ZSWIM5: variants seen among roughly 807,000 people sequenced by gnomAD.
The protein encoded by ZSWIM5 is zinc finger SWIM-type containing 5.
ZSWIM5 carries 55 observed loss-of-function variants against 119.6 expected under a neutral mutation model. That is an observed-to-expected ratio of 0.46 (90% CI 0.37 to 0.58). The LOEUF (loss-of-function observed/expected upper bound fraction) is 0.58, where lower values mean the gene tolerates loss of function less well. Among genes scored for constraint, ZSWIM5 ranks in the 20% least tolerant of loss-of-function variants. ZSWIM5 has a pLI of 0.00. For missense variants in ZSWIM5, 1,193 were observed against 1,512.8 expected (o/e 0.79, Z 3.51); for synonymous variants, 537 against 606.9 (o/e 0.88, Z 1.69).
At chr1:45,080,743 T>C (rs1178229927) in intron 2 of ZSWIM5, among the ~76,000 whole-genome samples, 1 of 152,160 alleles carries the variant, frequency 6.6e-6, no homozygotes, top group African/African-American at 2.4e-5. Context: ...CAATCTTTCT[T>C]TCTGGATAAG....
Position 45,098,175 on chromosome 1 carries a change from A to G in ZSWIM5, c.596-9938T>C, listed in dbSNP as rs76156126. Among the ~76,000 whole-genome samples the G allele has an allele frequency of 3.3e-3, 508 of 152,300 alleles. 16 individuals are homozygous for G. The East Asian group carries it at 0.095, about 28-fold the overall frequency. ...ATCATGGAATGTTCAAAGAAGAGAA[A>G]GAAGACCAGTGACTGGAAAGCCAAC... On this transcript the variant is annotated intron_variant, in intron 1 of 13. Coordinates refer to ENST00000359600, the MANE Select transcript of ZSWIM5 (RefSeq NM_020883.2).
chr1:45,133,637 G>A (rs2149031689), intron 1 of ZSWIM5, among the ~76,000 whole-genome samples: 1 of 152,174 alleles, frequency 6.6e-6, no homozygotes, highest in South Asian at 2.1e-4. Flanking sequence ...TGTCAATTTT[G>A]GGTTTTGTTG....
At chr1:45,105,374 G>A (rs960873413) in intron 1 of ZSWIM5, among the ~76,000 whole-genome samples, 7 of 152,114 alleles carry the variant, frequency 4.6e-5, no homozygotes, top group South Asian at 4.1e-4. Context: ...CTGCCACCCC[G>A]TCTAGGAAGT....
intron 11 of ZSWIM5, among the ~76,000 whole-genome samples, chr1:45,026,346 G>T (rs181791676): frequency 6.6e-6 from 1 of 151,748 alleles, no homozygotes; most frequent in Non-Finnish European, 1.5e-5. Flanking sequence ...GTAATTGTAG[G>T]TTTTTTTGTA....
Position 45,072,202 on chromosome 1 carries a change from T to C in ZSWIM5, c.953-11955A>G, listed in dbSNP as rs1645226170. ...TGATATTGAGTACCTTTTCATATAC[T>C]CATTTGCCACTTGTATGTCGTCTTT... is the stretch of plus-strand genomic sequence containing the variant. On this transcript the variant is annotated intron_variant, in intron 2 of 13. Coordinates refer to ENST00000359600, the MANE Select transcript of ZSWIM5 (RefSeq NM_020883.2). This position sits in a 1 kb window ranked among gnomAD's most constrained non-coding sequence, Gnocchi z 4.1. 1.3e-5 allele frequency among the ~76,000 whole-genome samples: 2 copies of C among 152,022 alleles called. No homozygotes were observed. The highest frequency in any genetic ancestry group is 1.3e-4 in the Admixed American group (2 of 15,286).
chr1:45,094,993 T>C (rs1645391541), intron 1 of ZSWIM5, among the ~76,000 whole-genome samples: 1 of 152,110 alleles, frequency 6.6e-6, no homozygotes, highest in Non-Finnish European at 1.5e-5. Flanking sequence ...TCCTACCTCC[T>C]CCATAGATTA....
intron 1 of ZSWIM5, among the ~76,000 whole-genome samples, chr1:45,116,253 T>C (rs888696835): frequency 6.6e-6 from 1 of 152,148 alleles, no homozygotes; most frequent in Admixed American, 6.6e-5. Flanking sequence ...ACTTATAAAA[T>C]TGGAAATAAG....
In ZSWIM5 at chr1:45,072,221, C is replaced by T. The variant is rs1362852158; in HGVS notation, c.953-11974G>A. ...ATATACTCATTTGCCACTTGTATGT[C>T]GTCTTTTGAGAAATGTCTGTTCAGA... On this transcript the variant is annotated intron_variant, in intron 2 of 13. Coordinates refer to ENST00000359600, the MANE Select transcript of ZSWIM5 (RefSeq NM_020883.2). This position sits in a 1 kb window ranked among gnomAD's most constrained non-coding sequence, Gnocchi z 4.1. Among the ~76,000 whole-genome samples, 1 of 151,852 alleles carries T rather than the reference C, an allele frequency of 6.6e-6. No individual in the cohort carries two copies. The highest frequency in any genetic ancestry group is 2.4e-5 in the African/African-American group (1 of 41,184).
chr1:45,134,953 T>C (rs1449997854), intron 1 of ZSWIM5, among the ~76,000 whole-genome samples: 1 of 152,244 alleles, frequency 6.6e-6, no homozygotes, highest in African/African-American at 2.4e-5. Flanking sequence ...ATTGTATGTA[T>C]ATAACACCTT....
intron 1 of ZSWIM5, among the ~76,000 whole-genome samples, chr1:45,169,379 G>A (rs1177879405): frequency 6.6e-6 from 1 of 151,958 alleles, no homozygotes; most frequent in Non-Finnish European, 1.5e-5. Flanking sequence ...ACAGCTCTAA[G>A]AGGTAGGAAT....
chr1:45,134,483 T>C (rs905210400), intron 1 of ZSWIM5, among the ~76,000 whole-genome samples: 1 of 152,148 alleles, frequency 6.6e-6, no homozygotes, highest in Non-Finnish European at 1.5e-5. Context: ...AAGAGAAAAG[T>C]TAATGAATAA....
intron 1 of ZSWIM5, among the ~76,000 whole-genome samples, chr1:45,194,054 T>C (rs759740241): frequency 6.6e-6 from 1 of 152,072 alleles, no homozygotes; most frequent in Non-Finnish European, 1.5e-5. Context: ...TTTTTCACAA[T>C]AGGGAGCCAT....
At position 45,039,074 on chromosome 1, in the gene ZSWIM5, C is replaced by A; in HGVS notation, c.1757-1G>T. On this transcript the variant is annotated splice_acceptor_variant, in intron 7 of 13. Coordinates refer to ENST00000359600, the MANE Select transcript of ZSWIM5 (RefSeq NM_020883.2). LOFTEE classifies it high-confidence loss of function. ...GTTGTGGTTCCTCTCTGCAACAGTT[C>A]TGGAAACAAGCAGGTTAAAATTTTA... The A allele has an allele frequency of 6.2e-7, 1 of 1,614,044 alleles. No individual in the cohort carries two copies. The highest frequency in any genetic ancestry group is 2.2e-5 in the East Asian group (1 of 44,876).
At chr1:45,179,849 T>C (rs1180748393) in intron 1 of ZSWIM5, among the ~76,000 whole-genome samples, 5 of 152,144 alleles carry the variant, frequency 3.3e-5, no homozygotes, top group Admixed American at 2.0e-4. Flanking sequence ...GTGGGTTCAA[T>C]GTAATCACAT....
chr1:45,025,870 A>C (rs2148988031), intron 11 of ZSWIM5, among the ~76,000 whole-genome samples: 1 of 152,310 alleles, frequency 6.6e-6, no homozygotes. Flanking sequence ...CCCTGTCATT[A>C]GTCAGGGAGC....
chr1:45,048,317 G>A (rs1645069758), intron 5 of ZSWIM5, among the ~76,000 whole-genome samples: 1 of 151,984 alleles, frequency 6.6e-6, no homozygotes, highest in African/African-American at 2.4e-5. Context: ...TGGGATTATA[G>A]GCAGGAACCA....
At chr1:45,087,665 CTT>C (rs1245885688) in intron 2 of ZSWIM5, among the ~76,000 whole-genome samples, 1 of 152,166 alleles carries the variant, frequency 6.6e-6, no homozygotes, top group Non-Finnish European at 1.5e-5. Context: ...TCACCAAAAT[CTT>C]TTTGAGATAC....
rs909475816 is a variant in ZSWIM5, at chr1:45,072,989, T to C, written c.953-12742A>G. On this transcript the variant is annotated intron_variant, in intron 2 of 13. Coordinates refer to ENST00000359600, the MANE Select transcript of ZSWIM5 (RefSeq NM_020883.2). The surrounding 1 kb of genome is among the most constrained non-coding windows in gnomAD (Gnocchi z 4.1). ...ATGTCATTGGTATTTTGATAGGGAT[T>C]ACATTGAATCTGTAGATTGAGTAGT... Among the ~76,000 whole-genome samples, 1 of 152,008 alleles carries C rather than the reference T, an allele frequency of 6.6e-6. No homozygotes were observed. Among genetic ancestry groups the C allele is most frequent in the Non-Finnish European group, 1.5e-5 (1 of 68,032 alleles).
intron 5 of ZSWIM5, among the ~76,000 whole-genome samples, chr1:45,045,625 A>C (rs554623425): frequency 6.6e-6 from 1 of 152,250 alleles, no homozygotes; most frequent in Admixed American, 6.5e-5. Flanking sequence ...CTGGAATCTA[A>C]GCTCCTCTAC....
Sources: allele counts gnomAD v4.1 joint callset (sites outside exome capture counted in the v4.1 genomes callset), GRCh38; gene constraint gnomAD v4.1.1; non-coding constraint Gnocchi (gnomAD v3.1); transcripts MANE v1.5; gene names NCBI Gene and HGNC (gene_info 2026-07-23, HGNC 2026-07-21).